URAD: variants seen among roughly 807,000 people sequenced by gnomAD.
URAD encodes putative 2-oxo-4-hydroxy-4-carboxy-5-ureidoimidazoline decarboxylase.
URAD carries 4 observed loss-of-function variants against 4.6 expected under a neutral mutation model. The ratio of observed to expected loss-of-function variants is 0.87; its 90% confidence interval spans 0.43 to 1.98. The LOEUF is 1.98. Among genes scored for constraint, URAD ranks in the 30% most tolerant of loss-of-function variants. The pLI, the probability that URAD is intolerant of heterozygous loss-of-function variation, is 0.03. For missense variants in URAD, 300 were observed against 255.3 expected, an observed-to-expected ratio of 1.18 and a Z score of -1.19; for synonymous variants, 144 against 118.2, an observed-to-expected ratio of 1.22 and a Z score of -1.41.
In URAD at chr13:27,988,564, C is replaced by T. The variant is rs1870103214; in HGVS notation, c.74G>A (p.Cys25Tyr). 1 of 1,613,928 alleles carries T rather than the reference C, an allele frequency of 6.2e-7. No individual in the cohort carries two copies. The highest frequency in any genetic ancestry group is 1.3e-5 in the African/African-American group (1 of 75,044). Residue 25 changes from cysteine (C) to tyrosine (Y), a missense_variant, in exon 1 of 2, where the codon TGT (cysteine) becomes TAT (tyrosine). Coordinates refer to ENST00000332715, the MANE Select transcript of URAD (RefSeq NM_001105577.2). ...VDVFGNATERCPLIAAAVWSQ... is the reference protein window; with the variant it reads ...VDVFGNATERYPLIAAAVWSQ... ...CCAAACAGCAGCTGCAATCAGAGGA[C>T]ATCTCTCAGTGGCATTCCCAAACAC...
chr13:27,979,022 C>T (rs1298853765), intron 1 of URAD, among the ~76,000 whole-genome samples: 1 of 152,010 alleles, frequency 6.6e-6, no homozygotes, highest in Non-Finnish European at 1.5e-5. Context: ...CCATGGGGCT[C>T]GGCAAATAAA....
intron 1 of URAD, among the ~76,000 whole-genome samples, chr13:27,981,953 G>T (rs1298997153): frequency 6.6e-6 from 1 of 152,040 alleles, no homozygotes; most frequent in Non-Finnish European, 1.5e-5. Flanking sequence ...CCTTAGAGTT[G>T]TCTCCTGGCC....
intron 1 of URAD, among the ~76,000 whole-genome samples, chr13:27,978,654 T>C (rs976876291): frequency 6.6e-6 from 1 of 152,132 alleles, no homozygotes; most frequent in Admixed American, 6.5e-5. Flanking sequence ...CGCGCCCCTC[T>C]AACAAGTCCT....
intron 1 of URAD, among the ~76,000 whole-genome samples, chr13:27,985,599 C>G (rs1022394149): frequency 9.2e-5 from 14 of 152,186 alleles, no homozygotes; most frequent in Admixed American, 6.5e-5. Flanking sequence ...TCTAGGACAT[C>G]AAGCATTTAT....
At chr13:27,988,344 A>T in intron 1 of URAD, 119 bp downstream of exon 1, 1 of 986,614 alleles carries the variant, frequency 1.0e-6, no homozygotes, top group Non-Finnish European at 1.4e-6. Flanking sequence ...CTCCCATCTC[A>T]GCCTCCCAAA....
At chr13:27,985,800 T>C (rs1344481038) in intron 1 of URAD, among the ~76,000 whole-genome samples, 2 of 152,190 alleles carry the variant, frequency 1.3e-5, no homozygotes, top group Non-Finnish European at 2.9e-5. Flanking sequence ...GCCTCAGTTT[T>C]CCCATCGGTA....
At chr13:27,980,669 T>C (rs59858731) in intron 1 of URAD, among the ~76,000 whole-genome samples, 2,227 of 152,276 alleles carry the variant, frequency 0.015, 65 homozygotes, top group African/African-American at 0.051. Flanking sequence ...AGGTGGTCAC[T>C]GGTGGGAGGT....
At chr13:27,981,008 TTCTC>T (rs900608486) in intron 1 of URAD, among the ~76,000 whole-genome samples, 22 of 111,710 alleles carry the variant, frequency 2.0e-4, no homozygotes, top group African/African-American at 6.1e-4. Flanking sequence ...TTTCAGTCGC[TTCTC>T]TCTCTCTCTC....
chr13:27,988,354 A>G, intron 1 of URAD, 109 bp downstream of exon 1: 1 of 1,113,298 alleles, frequency 9.0e-7, no homozygotes, highest in South Asian at 1.8e-5. Flanking sequence ...AGCCTCCCAA[A>G]GTGCTGGGAT....
rs1236456086 is a variant in URAD, at chr13:27,977,903, A to C, written c.*203T>G. On this transcript the variant is annotated 3_prime_UTR_variant, in exon 2 of 2. Coordinates refer to ENST00000332715, the MANE Select transcript of URAD (RefSeq NM_001105577.2). ...CGGGGCAAAGCACTAAACAATATGGATATTTTGGCAACGCGTGCGCGTGTG... is the reference window on the plus strand; with the variant it reads ...CGGGGCAAAGCACTAAACAATATGGCTATTTTGGCAACGCGTGCGCGTGTG... The C allele has an allele frequency of 2.0e-6, 1 of 503,248 alleles. No individual in the cohort carries two copies. The highest frequency in any genetic ancestry group is 3.4e-6 in the Non-Finnish European group (1 of 290,314). 31.2% of individuals were successfully genotyped at this position (503,248 alleles called of 1,614,324 possible). A position where few individuals can be genotyped will look rare whatever the true frequency, so the allele number is the denominator to read the frequency against.
chr13:27,980,817 G>T (rs879806762), intron 1 of URAD, among the ~76,000 whole-genome samples: 3 of 151,960 alleles, frequency 2.0e-5, no homozygotes, highest in Admixed American at 1.3e-4. Flanking sequence ...CTCGCATCTC[G>T]CTTCTCACTC....
At chr13:27,986,254 G>A (rs1226098694) in intron 1 of URAD, among the ~76,000 whole-genome samples, 1 of 152,162 alleles carries the variant, frequency 6.6e-6, no homozygotes, top group African/African-American at 2.4e-5. Flanking sequence ...CCTTGGAAAC[G>A]ATTTCATGCA....
intron 1 of URAD, among the ~76,000 whole-genome samples, chr13:27,985,792 C>T (rs2137560266): frequency 6.6e-6 from 1 of 152,222 alleles, no homozygotes; most frequent in East Asian, 1.9e-4. Flanking sequence ...CTCTGTGTGC[C>T]TCAGTTTTCC....
intron 1 of URAD, among the ~76,000 whole-genome samples, chr13:27,983,841 AC>A (rs748092186): frequency 1.2e-4 from 19 of 152,214 alleles, no homozygotes; most frequent in Non-Finnish European, 2.1e-4. Context: ...CCAACACAGC[AC>A]TTTTGGTAAG....
At chr13:27,980,855 G>T (rs918154856) in intron 1 of URAD, among the ~76,000 whole-genome samples, 1 of 151,904 alleles carries the variant, frequency 6.6e-6, no homozygotes, top group African/African-American at 2.4e-5. Context: ...GCTTGGAAAC[G>T]TCGCCCGGGG....
chr13:27,981,534 T>C lies in URAD; in HGVS notation c.176-3082A>G, dbSNP rs140515777. The stretch of plus-strand genomic sequence containing the variant: ...TGCCGGGACCACAGGACCTGAATCT[T>C]TACACCTAGAAGAATTCCTGGCACA... On this transcript the variant is annotated intron_variant, in intron 1 of 1. Transcript: ENST00000332715. Among the ~76,000 whole-genome samples, 288 of 152,266 alleles carry C rather than the reference T, an allele frequency of 1.9e-3. 1 individual carries two copies. Among genetic ancestry groups the C allele is most frequent in the African/African-American group, 6.6e-3 (276 of 41,548 alleles).
At chr13:27,979,626 A>G (rs1869817551) in intron 1 of URAD, among the ~76,000 whole-genome samples, 1 of 152,238 alleles carries the variant, frequency 6.6e-6, no homozygotes, top group African/African-American at 2.4e-5. Context: ...CTGTCTCTGT[A>G]TCTCAGTAAA....
intron 1 of URAD, among the ~76,000 whole-genome samples, chr13:27,987,551 C>T (rs1365930334): frequency 6.6e-6 from 1 of 152,224 alleles, no homozygotes; most frequent in Non-Finnish European, 1.5e-5. Context: ...ATTGCCCTTT[C>T]CCCTGGGCTC....
At chr13:27,985,411 T>C (rs1420096624) in intron 1 of URAD, among the ~76,000 whole-genome samples, 2 of 152,184 alleles carry the variant, frequency 1.3e-5, no homozygotes, top group Admixed American at 6.5e-5. Flanking sequence ...TGAGCCAAGA[T>C]GGTGCCACTG....
Sources: gnomAD v4.1 joint callset for allele counts (sites outside exome capture counted in the v4.1 genomes callset) on GRCh38, gnomAD v4.1.1 for gene constraint, MANE v1.5 for transcripts, NCBI Gene and HGNC (gene_info 2026-07-23, HGNC 2026-07-21) for gene names.